The following AJAP1 variants were observed in gnomAD, a reference collection of about 807,000 sequenced individuals.
The protein encoded by AJAP1 is adherens junction-associated protein 1.
In AJAP1, 5 loss-of-function variants were observed where a neutral mutation model predicts 35.0. The observed-to-expected ratio is 0.14, with a 90% CI of 0.07 to 0.30. AJAP1 has a LOEUF of 0.30. Ranked by LOEUF, AJAP1 falls within the 10% of genes least tolerant of loss-of-function variation. The pLI is 1.00. For missense variants in AJAP1, 586 were observed against 571.0 expected, an observed-to-expected ratio of 1.03 and a Z score of -0.27; for synonymous variants, 284 against 249.3, an observed-to-expected ratio of 1.14 and a Z score of -1.31.
intron 1 of AJAP1, among the ~76,000 whole-genome samples, chr1:4,672,332 A>G (rs548877406): frequency 2.0e-5 from 3 of 152,344 alleles, no homozygotes; most frequent in African/African-American, 4.8e-5. Context: ...GGCCACAGTC[A>G]TGAATACGGA....
intron 1 of AJAP1, among the ~76,000 whole-genome samples, chr1:4,681,849 C>T (rs548073695): frequency 3.3e-5 from 5 of 152,244 alleles, no homozygotes; most frequent in Non-Finnish European, 7.4e-5. Context: ...ATCTCTGCCT[C>T]GGTCTCCCCA....
At chr1:4,779,413 G>T (rs1195804183) in intron 5 of AJAP1, among the ~76,000 whole-genome samples, 1 of 151,130 alleles carries the variant, frequency 6.6e-6, no homozygotes, top group Non-Finnish European at 1.5e-5. Flanking sequence ...TCAGCTCGCT[G>T]TAAGCTCCGC....
chr1:4,701,509 G>A (rs1461248814), intron 1 of AJAP1, among the ~76,000 whole-genome samples: 3 of 152,158 alleles, frequency 2.0e-5, no homozygotes, highest in Non-Finnish European at 4.4e-5. Context: ...TCCCTTACTG[G>A]GACTGGGAGG....
chr1:4,663,618 G>A (rs1020602488), intron 1 of AJAP1, among the ~76,000 whole-genome samples: 5 of 152,298 alleles, frequency 3.3e-5, no homozygotes, highest in African/African-American at 1.2e-4. Flanking sequence ...CATCCCTCTT[G>A]TGCTGGCCCC....
intron 1 of AJAP1, among the ~76,000 whole-genome samples, chr1:4,660,414 G>T (rs74051921): frequency 6.6e-6 from 1 of 151,942 alleles, no homozygotes; most frequent in Non-Finnish European, 1.5e-5. Flanking sequence ...GACTATATCC[G>T]TGTCACAATC....
Position 4,788,557 on chromosome 1 carries a change from A to C in AJAP1, c.*6072A>C, listed in dbSNP as rs1187295043. 6.6e-6 allele frequency: 1 copy of C among 152,250 alleles called. No individual in the cohort carries two copies. The highest frequency in any genetic ancestry group is 2.4e-5 in the African/African-American group (1 of 41,438). 9.4% of individuals were successfully genotyped at this position (152,250 alleles called of 1,614,324 possible). ...CCTTTATGCTGAAGGGCCCTTGGGA[A>C]CATGGGAACATTTGCACTTTGTCAG... On this transcript the variant is annotated 3_prime_UTR_variant, in exon 6 of 6. Coordinates refer to ENST00000378191, the MANE Select transcript of AJAP1 (RefSeq NM_018836.4).
chr1:4,735,011 T>C (rs544239776), intron 2 of AJAP1, among the ~76,000 whole-genome samples: 1 of 152,150 alleles, frequency 6.6e-6, no homozygotes, highest in Non-Finnish European at 1.5e-5. Flanking sequence ...TCACCTCAAC[T>C]TCCCTGGGAG....
intron 1 of AJAP1, among the ~76,000 whole-genome samples, chr1:4,704,133 C>T (rs925333957): frequency 6.6e-6 from 1 of 151,372 alleles, no homozygotes; most frequent in Non-Finnish European, 1.5e-5. Context: ...TCCCTCCTGT[C>T]TGTTCCAGCT....
chr1:4,757,153 G>A (rs915526393), intron 2 of AJAP1, among the ~76,000 whole-genome samples: 27 of 152,326 alleles, frequency 1.8e-4, no homozygotes, highest in Middle Eastern at 3.4e-3. Context: ...AGTGGAGGCC[G>A]CCTCACTTCT....
chr1:4,682,651 G>A (rs917934176), intron 1 of AJAP1, among the ~76,000 whole-genome samples: 38 of 152,136 alleles, frequency 2.5e-4, no homozygotes, highest in African/African-American at 9.2e-4. Flanking sequence ...CCCTTCGTAG[G>A]GTTTCAGACA....
chr1:4,694,075 C>T (rs1570120266), intron 1 of AJAP1, among the ~76,000 whole-genome samples: 1 of 152,318 alleles, frequency 6.6e-6, no homozygotes, highest in Non-Finnish European at 1.5e-5. Context: ...GCCCAGCACA[C>T]CCCCAGGGCT....
intron 5 of AJAP1, among the ~76,000 whole-genome samples, chr1:4,781,746 A>T (rs1439248305): frequency 3.3e-5 from 5 of 152,200 alleles, no homozygotes; most frequent in African/African-American, 1.2e-4. Flanking sequence ...CCCAGATGGG[A>T]CCGTGACGTG....
At chr1:4,718,778 G>A (rs1640452914) in intron 2 of AJAP1, among the ~76,000 whole-genome samples, 2 of 152,144 alleles carry the variant, frequency 1.3e-5, no homozygotes, top group African/African-American at 4.8e-5. Context: ...ACCACGCCCG[G>A]CCTCCTAAGG....
chr1:4,751,101 T>C (rs1158595620), intron 2 of AJAP1, among the ~76,000 whole-genome samples: 1 of 151,974 alleles, frequency 6.6e-6, no homozygotes, highest in Non-Finnish European at 1.5e-5. Context: ...CCAGTGCCTC[T>C]CGCTCCCCTG....
intron 2 of AJAP1, among the ~76,000 whole-genome samples, chr1:4,736,797 C>T (rs1034566240): frequency 1.3e-5 from 2 of 152,186 alleles, no homozygotes; most frequent in African/African-American, 2.4e-5. Flanking sequence ...CTGTGGAGAA[C>T]GTGCGGGGGC....
intron 2 of AJAP1, among the ~76,000 whole-genome samples, chr1:4,714,193 C>G (rs1640335927): frequency 6.6e-6 from 1 of 152,168 alleles, no homozygotes; most frequent in Admixed American, 6.5e-5. Context: ...GAGGGCCATG[C>G]CCAGAGATGG....
chr1:4,662,503 G>C (rs905038885), intron 1 of AJAP1, among the ~76,000 whole-genome samples: 8 of 152,212 alleles, frequency 5.3e-5, no homozygotes, highest in African/African-American at 1.4e-4. Context: ...TGGGTTGTTG[G>C]CATGTTGGGG....
chr1:4,696,417 C>T (rs1377552565), intron 1 of AJAP1, among the ~76,000 whole-genome samples: 1 of 152,148 alleles, frequency 6.6e-6, no homozygotes, highest in East Asian at 1.9e-4. Flanking sequence ...CTAGGGGAGC[C>T]CTGTCCCTGG....
chr1:4,704,103 CT>C (rs1241495481), intron 1 of AJAP1, among the ~76,000 whole-genome samples: 1 of 151,888 alleles, frequency 6.6e-6, no homozygotes, highest in African/African-American at 2.4e-5. Flanking sequence ...TAATTACCCC[CT>C]TACACTAGCC....
Sources: gnomAD v4.1 joint callset for allele counts (sites outside exome capture counted in the v4.1 genomes callset) on GRCh38, gnomAD v4.1.1 for gene constraint, MANE v1.5 for transcripts, NCBI Gene and HGNC (gene_info 2026-07-23, HGNC 2026-07-21) for gene names.